The following ZMYM2 variants were observed in gnomAD, a reference collection of about 807,000 sequenced individuals.
The protein encoded by ZMYM2 is zinc finger MYM-type protein 2.
In ZMYM2, 56 loss-of-function variants were observed where a neutral mutation model predicts 162.8. That is an observed-to-expected ratio of 0.34 (90% CI 0.28 to 0.43). The LOEUF (loss-of-function observed/expected upper bound fraction) is 0.43, where lower values mean the gene tolerates loss of function less well. Among genes scored for constraint, ZMYM2 ranks in the 20% least tolerant of loss-of-function variants. ZMYM2 has a pLI of 1.00. For missense variants in ZMYM2, 1,275 were observed against 1,621.8 expected, an observed-to-expected ratio of 0.79 and a Z score of 3.67; for synonymous variants, 510 against 541.6, an observed-to-expected ratio of 0.94 and a Z score of 0.81.
At chr13:20,030,978 TC>T in intron 9 of ZMYM2, among the ~76,000 whole-genome samples, 1 of 152,334 alleles carries the variant, frequency 6.6e-6, no homozygotes, top group South Asian at 2.1e-4. Context: ...TTTTTAAACT[TC>T]TGTTAGTTCA....
upstream of ZMYM2, among the ~76,000 whole-genome samples, chr13:19,958,223 G>A (rs1954693291): frequency 6.6e-6 from 1 of 152,176 alleles, no homozygotes; most frequent in Admixed American, 6.5e-5. Flanking sequence ...CCCCTCGCAG[G>A]GGCCTTCAAG....
the ZMYM2 span, among the ~76,000 whole-genome samples, chr13:19,910,189 T>A: frequency 2.0e-5 from 3 of 151,890 alleles, no homozygotes; most frequent in Non-Finnish European, 4.4e-5. Flanking sequence ...ATTGCGCCAC[T>A]GCACTCCAGC....
chr13:19,939,610 G>A, the ZMYM2 span, among the ~76,000 whole-genome samples: 2 of 151,836 alleles, frequency 1.3e-5, no homozygotes, highest in Non-Finnish European at 2.9e-5. Context: ...TTTGTTTTAG[G>A]ATACTTATGT....
At chr13:19,949,957 G>GAAAGAAAGAAGAGAAAGAAAGGAAGAA in the ZMYM2 span, among the ~76,000 whole-genome samples, 24 of 151,102 alleles carry the variant, frequency 1.6e-4, no homozygotes, top group African/African-American at 5.6e-4. Context: ...AGAAAGGAAG[G>GAAAGAAAGAAGAGAAAGAAAGGAAGAA]AAAGAAAGAA....
chr13:19,976,925 G>C (rs1167871388), intron 2 of ZMYM2, among the ~76,000 whole-genome samples: 1 of 151,978 alleles, frequency 6.6e-6, no homozygotes, highest in East Asian at 1.9e-4. Flanking sequence ...TTTAATTCTG[G>C]TAATTTTTGC....
At chr13:19,995,917 A>G (rs1949982905) in intron 3 of ZMYM2, among the ~76,000 whole-genome samples, 1 of 152,064 alleles carries the variant, frequency 6.6e-6, no homozygotes, top group Non-Finnish European at 1.5e-5. Flanking sequence ...CTTGAGCCCC[A>G]TAGGCAGAGG....
intron 12 of ZMYM2, among the ~76,000 whole-genome samples, chr13:20,038,589 G>A (rs1191669995): frequency 4.6e-5 from 7 of 152,060 alleles, no homozygotes; most frequent in Admixed American, 3.3e-4. Flanking sequence ...GTAGGTGTGC[G>A]GCCTCATTTC....
At chr13:19,910,403 T>TA in the ZMYM2 span, among the ~76,000 whole-genome samples, 2 of 152,168 alleles carry the variant, frequency 1.3e-5, no homozygotes, top group Non-Finnish European at 2.9e-5. Context: ...ATGCCAGACC[T>TA]ATCTCGGTTT....
chr13:19,924,048 C>T, the ZMYM2 span, among the ~76,000 whole-genome samples: 1 of 152,132 alleles, frequency 6.6e-6, no homozygotes, highest in African/African-American at 2.4e-5. Flanking sequence ...CTCTCTCTCA[C>T]TTTGTAACTA....
At chr13:19,898,978 G>A in the ZMYM2 span, among the ~76,000 whole-genome samples, 2 of 136,976 alleles carry the variant, frequency 1.5e-5, no homozygotes, top group Admixed American at 8.1e-5. Flanking sequence ...TCACTCTGTC[G>A]CCCAGGCTGG....
the ZMYM2 span, among the ~76,000 whole-genome samples, chr13:19,947,482 C>A: frequency 6.9e-6 from 1 of 145,438 alleles, no homozygotes; most frequent in Non-Finnish European, 1.5e-5. Context: ...TTCCTTGAGA[C>A]AGAGTCTTGC....
intron 21 of ZMYM2, among the ~76,000 whole-genome samples, chr13:20,075,430 T>C (rs1957414261): frequency 6.6e-6 from 1 of 152,160 alleles, no homozygotes; most frequent in African/African-American, 2.4e-5. Context: ...TTTTGTTTGT[T>C]TGTTTGTTTT....
chr13:20,048,224 A>AT (rs1170441738), intron 12 of ZMYM2, among the ~76,000 whole-genome samples: 4 of 151,976 alleles, frequency 2.6e-5, no homozygotes, highest in Non-Finnish European at 5.9e-5. Flanking sequence ...TAACAGTATG[A>AT]TTTATGGGCT....
At chr13:19,982,073 C>T (rs902310994) in intron 2 of ZMYM2, among the ~76,000 whole-genome samples, 4 of 152,102 alleles carry the variant, frequency 2.6e-5, no homozygotes. Context: ...GGTCTCAGCA[C>T]CAGTCCTGAG....
upstream of ZMYM2, among the ~76,000 whole-genome samples, chr13:19,957,820 G>A (rs1954650851): frequency 6.6e-6 from 1 of 152,200 alleles, no homozygotes; most frequent in Admixed American, 6.5e-5. Flanking sequence ...AGGGGAGCCC[G>A]CAGCTCCCTC....
chr13:19,875,366 A>C, the ZMYM2 span, among the ~76,000 whole-genome samples: 1 of 152,168 alleles, frequency 6.6e-6, no homozygotes, highest in South Asian at 2.1e-4. Flanking sequence ...GCAGCGGCTC[A>C]CACCTGTAAT....
chr13:20,086,233 TTTA>T lies in ZMYM2; in HGVS notation c.*228_*230del, dbSNP rs1026938258. On this transcript the variant is annotated 3_prime_UTR_variant, in exon 25 of 25. Coordinates refer to ENST00000610343, the MANE Select transcript of ZMYM2 (RefSeq NM_197968.4). ...TTAACAAATACATTCAAATTCTTTT[TTTA>T]TTATTATTTATTTGATTAGGTATGT... 8 of 346,798 alleles carry T rather than the reference TTTA, an allele frequency of 2.3e-5. No individual in the cohort carries two copies. Among genetic ancestry groups the T allele is most frequent in the African/African-American group, 8.3e-5 (4 of 48,164 alleles). 21.5% of individuals were successfully genotyped at this position (346,798 alleles called of 1,614,324 possible).
the ZMYM2 span, among the ~76,000 whole-genome samples, chr13:19,881,019 G>A: frequency 6.6e-6 from 1 of 151,672 alleles, no homozygotes. Context: ...CTCCCTAGTA[G>A]CTGGGATTAC....
At chr13:19,931,031 T>C in the ZMYM2 span, among the ~76,000 whole-genome samples, 19 of 150,270 alleles carry the variant, frequency 1.3e-4, no homozygotes, top group Middle Eastern at 3.5e-3. Flanking sequence ...CCTAGCTACT[T>C]GGGGGGCTGA....
Sources: gnomAD v4.1 joint callset for allele counts (sites outside exome capture counted in the v4.1 genomes callset) on GRCh38, gnomAD v4.1.1 for gene constraint, MANE v1.5 for transcripts, NCBI Gene and HGNC (gene_info 2026-07-23, HGNC 2026-07-21) for gene names.